DGKG: variants seen among roughly 807,000 people sequenced by gnomAD.
DGKG encodes the protein DAG kinase gamma.
DGKG carries 78 observed loss-of-function variants against 105.3 expected under a neutral mutation model. That is an observed-to-expected ratio of 0.74 (90% CI 0.62 to 0.89). The LOEUF (loss-of-function observed/expected upper bound fraction) is 0.89, where lower values mean the gene tolerates loss of function less well. DGKG is among the 40% of genes least tolerant of loss of function. DGKG has a pLI of 0.00. For synonymous variants in DGKG, 346 were observed against 367.1 expected (o/e 0.94, Z 0.66); for missense variants, 958 against 1,020.1 (o/e 0.94, Z 0.83).
Position 186,198,556 on chromosome 3 carries a change from G to C in DGKG, c.1918-10177C>G, listed in dbSNP as rs552159500. On this transcript the variant is annotated intron_variant, in intron 21 of 24. Transcript: ENST00000265022. ...CTAGAGGCAGTGGTGTGCTGTCAGT[G>C]CTTAACAGCAGACTCCCTTGGAGGA... 2.2e-3 allele frequency among the ~76,000 whole-genome samples: 337 copies of C among 152,310 alleles called. 2 individuals are homozygous for C. The highest frequency in any genetic ancestry group is 7.7e-3 in the African/African-American group (319 of 41,566).
At chr3:186,307,719 A>C (rs1724317929) in intron 2 of DGKG, among the ~76,000 whole-genome samples, 1 of 152,234 alleles carries the variant, frequency 6.6e-6, no homozygotes, top group Non-Finnish European at 1.5e-5. Context: ...GTAGATGAGT[A>C]TATAAACATC....
intron 3 of DGKG, among the ~76,000 whole-genome samples, chr3:186,302,915 A>G (rs1202686736): frequency 1.3e-5 from 2 of 152,148 alleles, no homozygotes; most frequent in Non-Finnish European, 2.9e-5. Context: ...ACCCAGAAGC[A>G]CAGAACATGC....
rs1382233946 is a variant in DGKG at position 186,149,801 on chromosome 3, T to C, written c.*289A>G. ...GTCTCAGAAAATTCTGCTCAAGGCC[T>C]GTGGGAATGTGGAGGTTGCTGCCTA... is the stretch of plus-strand genomic sequence containing the variant. On this transcript the variant is annotated 3_prime_UTR_variant, in exon 25 of 25. Transcript: ENST00000265022. 3.5e-6 allele frequency: 4 copies of C among 1,136,678 alleles called. No individual in the cohort carries two copies. The South Asian group carries it at 9.5e-5, about 27-fold the overall frequency. 70.4% of individuals were successfully genotyped at this position (1,136,678 alleles called of 1,614,324 possible).
Position 186,261,860 on chromosome 3 carries a change from C to T in DGKG, c.1270-82G>A, listed in dbSNP as rs575450812. 5.8e-4 allele frequency: 511 copies of T among 884,466 alleles called. 1 individual carries two copies. The highest frequency in any genetic ancestry group is 7.7e-4 in the Non-Finnish European group (444 of 579,232). 54.8% of individuals were successfully genotyped at this position (884,466 alleles called of 1,614,324 possible). ...ATGAGAGTTGAAGCCAAGACAGCTT[C>T]GGAGAGGCAGATGAGAAGCAGGAGG... On this transcript the variant is annotated intron_variant, in intron 14 of 24. Coordinates refer to ENST00000265022, the MANE Select transcript of DGKG (RefSeq NM_001346.3).
chr3:186,313,386 GAC>G, intron 2 of DGKG: 1 of 596,820 alleles, frequency 1.7e-6, no homozygotes, highest in Non-Finnish European at 2.1e-6. Flanking sequence ...CGTTTTTTAA[GAC>G]ACAATTTTTT....
intron 1 of DGKG, among the ~76,000 whole-genome samples, chr3:186,324,507 C>T (rs1007750133): frequency 1.4e-5 from 2 of 142,710 alleles, no homozygotes; most frequent in East Asian, 2.0e-4. Context: ...GTGGCTTAAA[C>T]GATCAGCTGA....
intron 17 of DGKG, among the ~76,000 whole-genome samples, chr3:186,255,349 T>A (rs1464830253): frequency 3.3e-5 from 5 of 152,230 alleles, no homozygotes; most frequent in Non-Finnish European, 7.3e-5. Flanking sequence ...TCCATGGAGA[T>A]AATGCATCAT....
intron 21 of DGKG, among the ~76,000 whole-genome samples, chr3:186,193,872 C>G (rs1434180414): frequency 1.3e-5 from 2 of 152,242 alleles, no homozygotes; most frequent in African/African-American, 4.8e-5. Context: ...TAACCCAGGA[C>G]CTGGCTAGCA....
intron 20 of DGKG, among the ~76,000 whole-genome samples, chr3:186,225,831 G>A (rs893950102): frequency 4.6e-5 from 7 of 152,128 alleles, no homozygotes; most frequent in Non-Finnish European, 7.4e-5. Context: ...AAGTGTCTCC[G>A]CTACTTTCTT....
At chr3:186,292,516 G>A (rs556270380) in intron 5 of DGKG, among the ~76,000 whole-genome samples, 4 of 152,270 alleles carry the variant, frequency 2.6e-5, no homozygotes, top group South Asian at 2.1e-4. Flanking sequence ...TCCCAAGGCC[G>A]GGCACGGTGG....
intron 1 of DGKG, among the ~76,000 whole-genome samples, chr3:186,344,373 G>GGTA (rs1726229938): frequency 6.8e-6 from 1 of 146,168 alleles, no homozygotes; most frequent in African/African-American, 2.7e-5. Context: ...AAGAAAATGT[G>GGTA]GTACATATAC....
chr3:186,188,278 G>A lies in DGKG; in HGVS notation c.2019C>T (p.Asn673=). Reference sequence around the variant, plus strand: ...CCCGGATCACAGCCCGGTTCTTCTTGTTTTCTCCCCAGAGATTGGTGCCTC... The same window carrying A: ...CCCGGATCACAGCCCGGTTCTTCTTATTTTCTCCCCAGAGATTGGTGCCTC... ...MYGGTNLWGE[N]KKNRAVIRES... is the part of the protein sequence containing the mutation. The change falls in exon 22 of 25, where the codon AAC becomes AAT. Residue 673 remains asparagine, a synonymous_variant. Coordinates refer to ENST00000265022, the MANE Select transcript of DGKG (RefSeq NM_001346.3). 6.2e-7 allele frequency: 1 copy of A among 1,614,100 alleles called. No individual in the cohort carries two copies. The highest frequency in any genetic ancestry group is 8.5e-7 in the Non-Finnish European group (1 of 1,180,036).
rs572188469 is a variant in DGKG at position 186,252,799 on chromosome 3, C to G, written c.1600+294G>C. ...CATATGAGACTTTGTCTTTACCCTA[C>G]AGTTGATTGCTTTCTACTGGGGAAA... On this transcript the variant is annotated intron_variant, in intron 18 of 24. Transcript: ENST00000265022. 3.9e-5 allele frequency among the ~76,000 whole-genome samples: 6 copies of G among 152,256 alleles called. No individual in the cohort carries two copies. The South Asian group carries it at 1.2e-3, about 32-fold the overall frequency.
At chr3:186,360,261 G>A (rs1727164838) in intron 1 of DGKG, among the ~76,000 whole-genome samples, 1 of 152,082 alleles carries the variant, frequency 6.6e-6, no homozygotes, top group South Asian at 2.1e-4. Flanking sequence ...TTCTCCCCAT[G>A]TCTCGGTTGA....
chr3:186,187,223 G>A (rs1298490209), intron 22 of DGKG, among the ~76,000 whole-genome samples: 1 of 152,234 alleles, frequency 6.6e-6, no homozygotes. Context: ...ATAGAAGCAA[G>A]GAACCCAGTG....
chr3:186,205,926 G>A (rs1287296888), intron 21 of DGKG, among the ~76,000 whole-genome samples: 1 of 152,016 alleles, frequency 6.6e-6, no homozygotes, highest in Non-Finnish European at 1.5e-5. Flanking sequence ...ATTAAAAGGA[G>A]TAATTGATGT....
intron 3 of DGKG, among the ~76,000 whole-genome samples, chr3:186,298,776 G>C (rs1723722756): frequency 6.6e-6 from 1 of 152,224 alleles, no homozygotes; most frequent in East Asian, 1.9e-4. Context: ...GTCTCAGAAA[G>C]TAGGAAAGAC....
In DGKG at chr3:186,242,484, C is replaced by G. The variant is rs1296660229; in HGVS notation, c.1826+20G>C. ...GGGCCACACTGGGTGGGTGGCAGCG[C>G]AGCCGGGCCTGCAGCTTACCTGCTG... On this transcript the variant is annotated intron_variant, in intron 20 of 24. Transcript: ENST00000265022. 1 of 1,605,876 alleles carries G rather than the reference C, an allele frequency of 6.2e-7. No homozygotes were observed.
intron 5 of DGKG, among the ~76,000 whole-genome samples, chr3:186,295,016 A>G (rs142687680): frequency 1.9e-3 from 286 of 152,276 alleles, no homozygotes; most frequent in African/African-American, 6.5e-3. Context: ...CTTTCCATCT[A>G]TCATGACCTG....
Sources: gnomAD v4.1 joint callset for allele counts (sites outside exome capture counted in the v4.1 genomes callset) on GRCh38, gnomAD v4.1.1 for gene constraint, MANE v1.5 for transcripts, NCBI Gene and HGNC (gene_info 2026-07-23, HGNC 2026-07-21) for gene names.